The following TM9SF2 variants were observed in gnomAD, a reference collection of about 807,000 sequenced individuals.
TM9SF2 encodes the protein transmembrane 9 superfamily member 2, also known as 76 kDa membrane protein.
TM9SF2 carries 13 observed loss-of-function variants against 84.9 expected under a neutral mutation model. That is an observed-to-expected ratio of 0.15 (90% CI 0.10 to 0.24). The LOEUF is 0.24. Ranked by LOEUF, TM9SF2 falls within the 10% of genes least tolerant of loss-of-function variation. TM9SF2 has a pLI of 1.00. For missense variants in TM9SF2, 562 were observed against 818.5 expected, an observed-to-expected ratio of 0.69 and a Z score of 3.82; for synonymous variants, 273 against 285.8, an observed-to-expected ratio of 0.96 and a Z score of 0.45.
chr13:99,536,824 C>T, intron 5 of TM9SF2, 87 bp downstream of exon 5: 1 of 1,459,506 alleles, frequency 6.9e-7, no homozygotes, highest in Non-Finnish European at 9.4e-7. Context: ...TTGTTATATT[C>T]ATTGAATGAG....
In TM9SF2 at chr13:99,558,813, G is replaced by A. The variant is rs1488981576; in HGVS notation, c.1753-550G>A. Among the ~76,000 whole-genome samples the A allele has an allele frequency of 3.3e-5, 5 of 152,146 alleles. No individual in the cohort carries two copies. The South Asian group carries it at 8.3e-4, about 25-fold the overall frequency. ...ATATTTGTTTTTCACATATTCCAAA[G>A]GGCAAGAGAGATAGTGAAGTGTTCT... On this transcript the variant is annotated intron_variant, in intron 15 of 16. Transcript: ENST00000376387.
rs57533389 is a variant in TM9SF2, at chr13:99,551,202, C to G, written c.1329-965C>G. ...AAGTATGCACAATCCATATGACAAG[C>G]CTACAAGATTATTAACTCGAAAGAG... is the stretch of plus-strand genomic sequence containing the variant. On this transcript the variant is annotated intron_variant, in intron 12 of 16. Coordinates refer to ENST00000376387, the MANE Select transcript of TM9SF2 (RefSeq NM_004800.3). Among the ~76,000 whole-genome samples the G allele has an allele frequency of 5.1e-3, 780 of 152,264 alleles. 12 individuals are homozygous for G. The highest frequency in any genetic ancestry group is 0.018 in the African/African-American group (738 of 41,540).
intron 6 of TM9SF2, among the ~76,000 whole-genome samples, chr13:99,539,222 G>GA (rs1164371541): frequency 9.3e-4 from 125 of 134,838 alleles, no homozygotes; most frequent in African/African-American, 1.9e-3. Flanking sequence ...AAAAAAAAAA[G>GA]AAAAAAAAAA....
Position 99,549,159 on chromosome 13 carries a change from C to A in TM9SF2, c.1271-6C>A. ...GTATTTATACAACTTTTGTTTTCTT[C>A]TATAGCCTTTGGAGGTGAGAAGTGG... On this transcript the variant is annotated splice_polypyrimidine_tract_variant and splice_region_variant and intron_variant, in intron 11 of 16. Coordinates refer to ENST00000376387, the MANE Select transcript of TM9SF2 (RefSeq NM_004800.3). The A allele has an allele frequency of 1.9e-6, 3 of 1,611,536 alleles. No individual in the cohort carries two copies. Among genetic ancestry groups the A allele is most frequent in the Non-Finnish European group, 1.7e-6 (2 of 1,178,566 alleles).
At chr13:99,535,245 C>T (rs1387593168) in intron 4 of TM9SF2, among the ~76,000 whole-genome samples, 4 of 152,078 alleles carry the variant, frequency 2.6e-5, no homozygotes, top group Admixed American at 6.5e-5. Context: ...GCTATTGTGT[C>T]AAGGTATTAT....
intron 5 of TM9SF2, among the ~76,000 whole-genome samples, 183 bp from the exon 6 acceptor site, chr13:99,537,556 T>C (rs1031737119): frequency 2.0e-5 from 3 of 152,232 alleles, no homozygotes; most frequent in Non-Finnish European, 4.4e-5. Flanking sequence ...AGCATATACC[T>C]TCCCCAATTA....
chr13:99,533,715 G>A (rs181750303), intron 4 of TM9SF2, among the ~76,000 whole-genome samples: 116 of 152,286 alleles, frequency 7.6e-4, no homozygotes, highest in African/African-American at 2.7e-3. Flanking sequence ...CTGGAGTGCA[G>A]TGGCACAGTC....
chr13:99,536,796 T>G, intron 5 of TM9SF2, 59 bp downstream of exon 5: 2 of 1,586,310 alleles, frequency 1.3e-6, no homozygotes, highest in Non-Finnish European at 1.7e-6. Flanking sequence ...TAGAATTCAG[T>G]CTTTACCTGG....
At chr13:99,540,565 C>A in intron 7 of TM9SF2, 149 bp from the exon 8 acceptor site, 2 of 366,210 alleles carry the variant, frequency 5.5e-6, no homozygotes, top group Non-Finnish European at 9.8e-6. Context: ...ATCTGAAACT[C>A]TCCAAATCTC....
chr13:99,544,096 A>G, intron 10 of TM9SF2, 101 bp downstream of exon 10: 4 of 1,377,832 alleles, frequency 2.9e-6, no homozygotes, highest in Non-Finnish European at 3.0e-6. Context: ...TCATGCCTGT[A>G]ATCCTAGCAC....
intron 6 of TM9SF2, among the ~76,000 whole-genome samples, chr13:99,539,209 C>CA (rs869184030): frequency 0.034 from 3,370 of 99,582 alleles, 119 homozygotes; most frequent in African/African-American, 0.11. Flanking sequence ...GACCCTGTCC[C>CA]AAAAAAAAAA....
intron 3 of TM9SF2, among the ~76,000 whole-genome samples, chr13:99,521,747 C>T (rs543396588): frequency 1.3e-5 from 2 of 152,018 alleles, no homozygotes; most frequent in Non-Finnish European, 2.9e-5. Context: ...TGCTCTGTCA[C>T]CCAGGCTGGA....
intron 1 of TM9SF2, 96 bp from the exon 2 acceptor site, chr13:99,517,518 A>G (rs1213465745): frequency 1.4e-6 from 1 of 714,922 alleles, no homozygotes; most frequent in Admixed American, 3.4e-5. Context: ...AACATTTTAC[A>G]TTTCAGACAT....
intron 3 of TM9SF2, among the ~76,000 whole-genome samples, chr13:99,521,549 C>T (rs891712867): frequency 7.9e-5 from 12 of 152,144 alleles, no homozygotes; most frequent in African/African-American, 1.2e-4. Flanking sequence ...CAGCAAATCC[C>T]GAAGCCTAGA....
At chr13:99,551,322 G>A (rs1301962258) in intron 12 of TM9SF2, among the ~76,000 whole-genome samples, 1 of 152,230 alleles carries the variant, frequency 6.6e-6, no homozygotes, top group African/African-American at 2.4e-5. Context: ...ACAGAAGCAG[G>A]CCCTGTATCC....
chr13:99,507,474 G>T (rs1479681060), intron 1 of TM9SF2, among the ~76,000 whole-genome samples: 1 of 152,136 alleles, frequency 6.6e-6, no homozygotes, highest in African/African-American at 2.4e-5. Context: ...TTTTTAAGTA[G>T]TCAGGTTTTA....
chr13:99,505,533 T>A (rs571618540), intron 1 of TM9SF2, among the ~76,000 whole-genome samples: 4 of 152,356 alleles, frequency 2.6e-5, no homozygotes, highest in African/African-American at 9.6e-5. Context: ...ATTTGCCTTA[T>A]TTTGTTACGT....
At chr13:99,551,693 A>G (rs2046306045) in intron 12 of TM9SF2, among the ~76,000 whole-genome samples, 1 of 152,242 alleles carries the variant, frequency 6.6e-6, no homozygotes, top group Admixed American at 6.5e-5. Context: ...TTGGGTTCAA[A>G]AAAAGCCACA....
At chr13:99,534,576 T>C (rs1225444433) in intron 4 of TM9SF2, among the ~76,000 whole-genome samples, 1 of 152,264 alleles carries the variant, frequency 6.6e-6, no homozygotes, top group Non-Finnish European at 1.5e-5. Context: ...ATATGGGTTA[T>C]TCTGATTAGA....
Sources: gnomAD v4.1 joint callset for allele counts (sites outside exome capture counted in the v4.1 genomes callset) on GRCh38, gnomAD v4.1.1 for gene constraint, MANE v1.5 for transcripts, NCBI Gene and HGNC (gene_info 2026-07-23, HGNC 2026-07-21) for gene names.